The following SLC35F1 variants were observed in gnomAD, a reference collection of about 807,000 sequenced individuals.
The protein encoded by SLC35F1 is chromosome 6 open reading frame 169.
A neutral mutation model predicts 48.7 loss-of-function variants in SLC35F1; 14 were observed. That is an observed-to-expected ratio of 0.29 (90% confidence interval 0.19 to 0.45). The LOEUF (loss-of-function observed/expected upper bound fraction) is 0.45. Ranked by LOEUF, SLC35F1 falls within the 20% of genes least tolerant of loss-of-function variation. SLC35F1 has a pLI of 1.00. For synonymous variants in SLC35F1, 190 were observed against 202.2 expected, an observed-to-expected ratio of 0.94 and a Z score of 0.51; for missense variants, 404 against 500.0, an observed-to-expected ratio of 0.81 and a Z score of 1.83.
intron 6 of SLC35F1, among the ~76,000 whole-genome samples, chr6:118,281,843 C>T (rs1562349679): frequency 6.6e-6 from 1 of 152,196 alleles, no homozygotes; most frequent in Non-Finnish European, 1.5e-5. Context: ...CTCTATAAGC[C>T]TATTTCCTAA....
intron 1 of SLC35F1, among the ~76,000 whole-genome samples, chr6:117,944,586 T>TACACACACACACACACACAC (rs373551582): frequency 2.7e-4 from 40 of 146,278 alleles, no homozygotes; most frequent in East Asian, 5.9e-4. Context: ...AACACACACA[T>TACACACACACACACACACAC]ACACATACAC....
chr6:117,986,053 A>G (rs541677483), intron 1 of SLC35F1, among the ~76,000 whole-genome samples: 2 of 152,218 alleles, frequency 1.3e-5, no homozygotes, highest in African/African-American at 4.8e-5. Flanking sequence ...GTCAGGCCAG[A>G]TGGTCTCTTG....
At chr6:118,237,690 G>A (rs148437646) in intron 3 of SLC35F1, among the ~76,000 whole-genome samples, 1 of 152,170 alleles carries the variant, frequency 6.6e-6, no homozygotes, top group East Asian at 1.9e-4. Flanking sequence ...CGCCCAGCCC[G>A]TATGTCTTCT....
chr6:117,998,472 A>G (rs1777034942), intron 1 of SLC35F1, among the ~76,000 whole-genome samples: 1 of 152,146 alleles, frequency 6.6e-6, no homozygotes, highest in Non-Finnish European at 1.5e-5. Flanking sequence ...CAGAATATAC[A>G]TTTTTTTCAG....
At chr6:118,216,426 C>CA (rs1775073439) in intron 2 of SLC35F1, among the ~76,000 whole-genome samples, 1 of 134,182 alleles carries the variant, frequency 7.5e-6, no homozygotes, top group Non-Finnish European at 1.6e-5. Flanking sequence ...GTGTGGGAGG[C>CA]AAAGAAGATA....
At chr6:118,086,571 GT>G (rs1358624302) in intron 1 of SLC35F1, among the ~76,000 whole-genome samples, 3 of 152,200 alleles carry the variant, frequency 2.0e-5, no homozygotes, top group Non-Finnish European at 4.4e-5. Flanking sequence ...GGAATGAAAG[GT>G]TTTACTTGCA....
At chr6:118,083,231 T>C (rs1200344815) in intron 1 of SLC35F1, among the ~76,000 whole-genome samples, 1 of 152,120 alleles carries the variant, frequency 6.6e-6, no homozygotes, top group East Asian at 1.9e-4. Context: ...AAACTAAATT[T>C]TACTTCATTT....
Position 118,274,258 on chromosome 6 carries a change from G to A in SLC35F1, c.638-1201G>A, listed in dbSNP as rs542002802. Among the ~76,000 whole-genome samples the A allele has an allele frequency of 2.0e-5, 3 of 152,242 alleles. No individual in the cohort carries two copies. The East Asian group carries it at 5.8e-4, about 29-fold the overall frequency. The stretch of plus-strand genomic sequence containing the variant: ...CTTGGGTACAGAGCCCACCAGTGAG[G>A]CCACTCTAGCTGCTTATTTCTGCTC... On this transcript the variant is annotated intron_variant, in intron 4 of 7. Transcript: ENST00000360388.
rs557779268 is a variant in SLC35F1 at position 118,140,676 on chromosome 6, G to T, written c.174-13769G>T. The stretch of plus-strand genomic sequence containing the variant: ...AGGAGATATCCCAGAAGAAGGCATT[G>T]TTATCATAGGAGATGACAGCTTCAT... On this transcript the variant is annotated intron_variant, in intron 1 of 7. Transcript: ENST00000360388. 7.3e-5 allele frequency among the ~76,000 whole-genome samples: 11 copies of T among 151,568 alleles called. No individual in the cohort carries two copies. In the South Asian group the frequency reaches 8.3e-4, roughly 11 times the overall value.
At chr6:118,001,073 T>A (rs953773372) in intron 1 of SLC35F1, among the ~76,000 whole-genome samples, 10 of 152,142 alleles carry the variant, frequency 6.6e-5, no homozygotes, top group African/African-American at 2.4e-5. Context: ...TACCAATGAC[T>A]TTCTTCACAG....
intron 1 of SLC35F1, among the ~76,000 whole-genome samples, chr6:118,002,215 T>A (rs993408644): frequency 2.0e-5 from 3 of 151,858 alleles, no homozygotes; most frequent in African/African-American, 7.3e-5. Flanking sequence ...TGTCCAACAT[T>A]GATAGACTGG....
At chr6:118,253,259 C>T (rs1250992670) in intron 3 of SLC35F1, among the ~76,000 whole-genome samples, 3 of 151,794 alleles carry the variant, frequency 2.0e-5, no homozygotes, top group Non-Finnish European at 2.9e-5. Flanking sequence ...TGAAGAGGCC[C>T]GAGGGATGGA....
At chr6:118,049,984 G>A (rs1340569573) in intron 1 of SLC35F1, among the ~76,000 whole-genome samples, 1 of 152,112 alleles carries the variant, frequency 6.6e-6, no homozygotes, top group Non-Finnish European at 1.5e-5. Context: ...AACAACGATA[G>A]ACTGGATTAA....
chr6:118,191,862 G>A (rs1445134778), intron 2 of SLC35F1, among the ~76,000 whole-genome samples: 4 of 152,240 alleles, frequency 2.6e-5, no homozygotes, highest in South Asian at 2.1e-4. Flanking sequence ...GTAAACAAAT[G>A]TACTTGAGGC....
Position 118,168,317 on chromosome 6 carries a change from C to T in SLC35F1, c.349+13697C>T, listed in dbSNP as rs1293095775. Among the ~76,000 whole-genome samples, 3 of 151,934 alleles carry T rather than the reference C, an allele frequency of 2.0e-5. No individual in the cohort carries two copies. The East Asian group carries it at 5.8e-4, about 29-fold the overall frequency. ...TATTCTCATGGAATACATCCCAAGA[C>T]CCCCAATGGATGCCTAAAACAGCAT... is the stretch of plus-strand genomic sequence containing the variant. On this transcript the variant is annotated intron_variant, in intron 2 of 7. Transcript: ENST00000360388.
At chr6:118,195,069 T>C (rs1008653563) in intron 2 of SLC35F1, among the ~76,000 whole-genome samples, 2 of 152,158 alleles carry the variant, frequency 1.3e-5, no homozygotes, top group Non-Finnish European at 2.9e-5. Context: ...AGTATTAGAC[T>C]GGCAAGGCTC....
chr6:118,047,579 T>A (rs1046449947), intron 1 of SLC35F1, among the ~76,000 whole-genome samples: 2 of 152,190 alleles, frequency 1.3e-5, no homozygotes, highest in African/African-American at 4.8e-5. Context: ...ATCAAATGAT[T>A]TTTCCCTGAA....
In SLC35F1 at chr6:118,276,311, A is replaced by G. The variant is rs561171536; in HGVS notation, c.794+696A>G. 2.0e-3 allele frequency among the ~76,000 whole-genome samples: 309 copies of G among 152,376 alleles called. 3 individuals are homozygous for G. The Middle Eastern group carries it at 0.027, about 13-fold the overall frequency. On this transcript the variant is annotated intron_variant, in intron 5 of 7. Coordinates refer to ENST00000360388, the MANE Select transcript of SLC35F1 (RefSeq NM_001029858.4). ...TATTTTAGCTTCATGAAAGACATGAAGAATGATAGTATAACCTCCAGTCAA... is the reference window on the plus strand; with the variant it reads ...TATTTTAGCTTCATGAAAGACATGAGGAATGATAGTATAACCTCCAGTCAA...
intron 3 of SLC35F1, among the ~76,000 whole-genome samples, chr6:118,242,170 A>G (rs924583035): frequency 2.0e-5 from 3 of 152,214 alleles, no homozygotes; most frequent in Non-Finnish European, 2.9e-5. Context: ...CAGCTGTACC[A>G]TTTTACATTC....
Sources: gnomAD v4.1 joint callset for allele counts (sites outside exome capture counted in the v4.1 genomes callset) on GRCh38, gnomAD v4.1.1 for gene constraint, MANE v1.5 for transcripts, NCBI Gene and HGNC (gene_info 2026-07-23, HGNC 2026-07-21) for gene names.